EML6: variants seen among roughly 807,000 people sequenced by gnomAD.
The protein encoded by EML6 is echinoderm microtubule-associated protein-like 6.
A neutral mutation model predicts 240.1 loss-of-function variants in EML6; 154 were observed. That is an observed-to-expected ratio of 0.64 (90% CI 0.56 to 0.73). The LOEUF (loss-of-function observed/expected upper bound fraction) is 0.73. Ranked by LOEUF, EML6 falls within the 30% of genes least tolerant of loss-of-function variation. EML6 has a pLI of 0.00. For synonymous variants in EML6, 1,148 were observed against 899.0 expected, an observed-to-expected ratio of 1.28 and a Z score of -4.95; for missense variants, 2,964 against 2,474.6, an observed-to-expected ratio of 1.20 and a Z score of -4.20.
intron 2 of EML6, among the ~76,000 whole-genome samples, chr2:54,789,446 G>A (rs1024733861): frequency 7.2e-6 from 1 of 138,954 alleles, no homozygotes; most frequent in Non-Finnish European, 1.5e-5. Context: ...CCCGGGAGGC[G>A]GAGCTTGCAG....
intron 2 of EML6, among the ~76,000 whole-genome samples, chr2:54,767,677 T>C (rs966176805): frequency 1.3e-5 from 2 of 151,886 alleles, no homozygotes; most frequent in African/African-American, 4.8e-5. Context: ...AAGTACTTTC[T>C]TTATTTTTTA....
chr2:54,765,021 A>T (rs1668127026), intron 2 of EML6, among the ~76,000 whole-genome samples: 1 of 151,756 alleles, frequency 6.6e-6, no homozygotes, highest in South Asian at 2.1e-4. Flanking sequence ...CATTTTTAAA[A>T]TTTTTCCTCT....
rs186915208 is a variant in EML6, at chr2:54,933,263, T to A, written c.4004+4512T>A. 1.0e-3 allele frequency among the ~76,000 whole-genome samples: 156 copies of A among 152,280 alleles called. 3 individuals are homozygous for A. The highest frequency in any genetic ancestry group is 9.2e-3 in the Admixed American group (141 of 15,298). On this transcript the variant is annotated intron_variant, in intron 28 of 41. Transcript: ENST00000356458. ...CACTATGGGCTAGGAAGAAAAAGTC[T>A]TTGACTCTTACCTTGGAAATAGTCA... is the stretch of plus-strand genomic sequence containing the variant.
At chr2:54,788,268 C>T (rs13006125) in intron 2 of EML6, among the ~76,000 whole-genome samples, 2 of 152,236 alleles carry the variant, frequency 1.3e-5, no homozygotes, top group African/African-American at 2.4e-5. Flanking sequence ...GCCCTCTTCT[C>T]TCTGGCATCT....
intron 32 of EML6, among the ~76,000 whole-genome samples, chr2:54,956,659 T>C (rs1415060120): frequency 6.6e-6 from 1 of 152,106 alleles, no homozygotes; most frequent in African/African-American, 2.4e-5. Flanking sequence ...TGGAAAGAGA[T>C]TCTGTTAGGG....
chr2:54,896,380 C>T (rs1263118084), intron 21 of EML6, among the ~76,000 whole-genome samples: 1 of 152,176 alleles, frequency 6.6e-6, no homozygotes, highest in Non-Finnish European at 1.5e-5. Flanking sequence ...AAATTGCATC[C>T]TCCTTAGTCC....
intron 7 of EML6, among the ~76,000 whole-genome samples, chr2:54,836,398 G>A (rs995595612): frequency 6.6e-5 from 10 of 152,162 alleles, no homozygotes; most frequent in African/African-American, 1.2e-4. Context: ...TGGATCCTGC[G>A]GAGTGGGTTT....
At chr2:54,757,716 C>G (rs1667801014) in intron 2 of EML6, among the ~76,000 whole-genome samples, 2 of 151,834 alleles carry the variant, frequency 1.3e-5, no homozygotes, top group Admixed American at 1.3e-4. Flanking sequence ...TCCACTCCAG[C>G]CTTCAGGATA....
At chr2:54,770,739 G>A (rs72915580) in intron 2 of EML6, among the ~76,000 whole-genome samples, 10,568 of 152,102 alleles carry the variant, frequency 0.069, 1,136 homozygotes, top group African/African-American at 0.23. Flanking sequence ...ACAGTTGATC[G>A]TTCCTTCCTT....
chr2:54,772,574 A>G, intron 2 of EML6, among the ~76,000 whole-genome samples: 1 of 152,224 alleles, frequency 6.6e-6, no homozygotes, highest in East Asian at 1.9e-4. Context: ...TGTTTGTAAG[A>G]GTGGCAAAAA....
intron 21 of EML6, among the ~76,000 whole-genome samples, chr2:54,899,228 T>C (rs895494458): frequency 6.6e-6 from 1 of 152,238 alleles, no homozygotes; most frequent in Non-Finnish European, 1.5e-5. Context: ...AGAATATGAT[T>C]TAACTGAAGG....
chr2:54,888,533 T>C (rs1898699), intron 17 of EML6, among the ~76,000 whole-genome samples: 60,238 of 152,086 alleles, frequency 0.4, 12,389 homozygotes, highest in Middle Eastern at 0.48. Flanking sequence ...CTCCCTCCTC[T>C]GTATACTGTG....
At position 54,806,612 on chromosome 2, in the gene EML6, C is replaced by CAAAAAAAAAAAAAAAAAAAA. The variant is rs58185994; in HGVS notation, c.198-6607_198-6588dup. On this transcript the variant is annotated intron_variant, in intron 2 of 41. Transcript: ENST00000356458. ...TGGGCAACAAGAGTGACTCCGTCTC[C>CAAAAAAAAAAAAAAAAAAAA]AAAAAAAAAAAAAAAAAAAAAAAAA... Among the ~76,000 whole-genome samples, 41 of 52,864 alleles carry CAAAAAAAAAAAAAAAAAAAA rather than the reference C, an allele frequency of 7.8e-4. 1 individual carries two copies. Among genetic ancestry groups the CAAAAAAAAAAAAAAAAAAAA allele is most frequent in the East Asian group, 3.7e-3 (7 of 1,880 alleles). 34.7% of individuals were successfully genotyped at this position (52,864 alleles called of 152,430 possible).
chr2:54,843,988 G>C lies in EML6; in HGVS notation c.848-59G>C, dbSNP rs573833030. The C allele has an allele frequency of 3.8e-6, 4 of 1,049,172 alleles. No homozygotes were observed. In the African/African-American group the frequency reaches 4.7e-5, roughly 12 times the overall value. 65.0% of individuals were successfully genotyped at this position (1,049,172 alleles called of 1,614,324 possible). ...TTTGTGTGTGTGTGTGTGTGTGTGT[G>C]TGTGTGTGTGTGTGTGAATAGTGTG... On this transcript the variant is annotated intron_variant, in intron 7 of 41. Transcript: ENST00000356458.
chr2:54,954,782 C>A (rs1011408643), intron 32 of EML6, among the ~76,000 whole-genome samples: 3 of 152,210 alleles, frequency 2.0e-5, no homozygotes, highest in Non-Finnish European at 4.4e-5. Context: ...TAAAGATGTG[C>A]AGTCCTCCTC....
At chr2:54,947,877 G>C (rs1675767442) in intron 28 of EML6, among the ~76,000 whole-genome samples, 1 of 152,156 alleles carries the variant, frequency 6.6e-6, no homozygotes, top group Admixed American at 6.5e-5. Context: ...GGCATGCTGG[G>C]GAAGCATGGT....
intron 28 of EML6, among the ~76,000 whole-genome samples, chr2:54,941,224 C>A (rs1365566733): frequency 6.6e-6 from 1 of 152,202 alleles, no homozygotes; most frequent in African/African-American, 2.4e-5. Flanking sequence ...ATTAGCATAT[C>A]TTTCACCTCG....
chr2:54,793,993 T>C (rs1669616160), intron 2 of EML6, among the ~76,000 whole-genome samples: 1 of 152,246 alleles, frequency 6.6e-6, no homozygotes. Context: ...CTTCGGTCAA[T>C]TCCCTTGCCT....
intron 5 of EML6, among the ~76,000 whole-genome samples, chr2:54,826,178 C>T (rs559204912): frequency 6.6e-6 from 1 of 152,308 alleles, no homozygotes; most frequent in Admixed American, 6.5e-5. Flanking sequence ...TGAGCTACTT[C>T]TGTTTGCTTT....
Sources: allele counts gnomAD v4.1 joint callset (sites outside exome capture counted in the v4.1 genomes callset), GRCh38; gene constraint gnomAD v4.1.1; transcripts MANE v1.5; gene names NCBI Gene and HGNC (gene_info 2026-07-23, HGNC 2026-07-21).